SERGEF: variants seen among roughly 807,000 people sequenced by gnomAD.
The protein encoded by SERGEF is secretion-regulating guanine nucleotide exchange factor.
SERGEF carries 51 observed loss-of-function variants against 50.0 expected under a neutral mutation model. That is an observed-to-expected ratio of 1.02 (90% CI 0.81 to 1.29). The LOEUF is 1.29. Among genes scored for constraint, SERGEF ranks in the 50% most tolerant of loss-of-function variants. The probability of loss-of-function intolerance (pLI) is 0.00; values close to 1 mark genes in which losing one functional copy is unlikely to be tolerated. For synonymous variants in SERGEF, 205 were observed against 212.4 expected (o/e 0.97, Z 0.30); for missense variants, 521 against 557.0 (o/e 0.94, Z 0.65).
chr11:17,866,174 G>A (rs1384432657), intron 10 of SERGEF, among the ~76,000 whole-genome samples: 1 of 152,218 alleles, frequency 6.6e-6, no homozygotes, highest in Non-Finnish European at 1.5e-5. Context: ...ATCTCCTTCT[G>A]AATAGCACAA....
At chr11:17,883,935 T>G (rs1269599257) in intron 9 of SERGEF, among the ~76,000 whole-genome samples, 1 of 152,018 alleles carries the variant, frequency 6.6e-6, no homozygotes, top group East Asian at 1.9e-4. Context: ...CTGAACATTC[T>G]AAACGGGGAA....
chr11:17,914,793 T>C (rs146151022), intron 9 of SERGEF, among the ~76,000 whole-genome samples: 24 of 152,326 alleles, frequency 1.6e-4, no homozygotes, highest in African/African-American at 5.5e-4. Context: ...AAGTATTTTA[T>C]TGAGGGTTAT....
At chr11:17,998,726 G>T (rs914676073) in intron 5 of SERGEF, among the ~76,000 whole-genome samples, 1 of 150,766 alleles carries the variant, frequency 6.6e-6, no homozygotes, top group African/African-American at 2.4e-5. Context: ...TAGGACTGGT[G>T]TCCTTATAAA....
chr11:17,860,032 C>G (rs1850899025), intron 10 of SERGEF, among the ~76,000 whole-genome samples: 1 of 152,106 alleles, frequency 6.6e-6, no homozygotes, highest in Admixed American at 6.5e-5. Context: ...ATCACGTAAC[C>G]ACGGTGCAGG....
At chr11:17,857,239 A>G (rs912772755) in intron 10 of SERGEF, among the ~76,000 whole-genome samples, 2 of 152,216 alleles carry the variant, frequency 1.3e-5, no homozygotes, top group Non-Finnish European at 2.9e-5. Flanking sequence ...GACATAGCCC[A>G]TAACTTGCTG....
chr11:17,900,082 G>C (rs919520152), intron 9 of SERGEF, among the ~76,000 whole-genome samples: 3 of 152,210 alleles, frequency 2.0e-5, no homozygotes, highest in South Asian at 2.1e-4. Flanking sequence ...TAGTGGGCTA[G>C]AGTTTGCTTT....
Position 17,888,262 on chromosome 11 carries a change from A to T in SERGEF, c.1012-10018T>A, listed in dbSNP as rs1281972189. Among the ~76,000 whole-genome samples, 2 of 152,226 alleles carry T rather than the reference A, an allele frequency of 1.3e-5. No individual in the cohort carries two copies. The highest frequency in any genetic ancestry group is 2.9e-5 in the Non-Finnish European group (2 of 68,040). On this transcript the variant is annotated intron_variant, in intron 9 of 10. Transcript: ENST00000265965. This position sits in a 1 kb window ranked among gnomAD's most constrained non-coding sequence, Gnocchi z 4.1. ...TTCACAACATAAGTAAATCTTTAAG[A>T]ATAATAATATGAAACTCAAAAGTAG...
intron 9 of SERGEF, among the ~76,000 whole-genome samples, chr11:17,925,037 A>G (rs1412108762): frequency 1.3e-5 from 2 of 152,208 alleles, no homozygotes. Flanking sequence ...TTCCACCGAC[A>G]AAATCTTTCA....
At chr11:17,940,402 C>CCCA (rs1480615596) in intron 9 of SERGEF, among the ~76,000 whole-genome samples, 1 of 152,076 alleles carries the variant, frequency 6.6e-6, no homozygotes, top group Admixed American at 6.6e-5. Flanking sequence ...GACCGCATCC[C>CCCA]CCACCACCGC....
chr11:17,981,610 T>A (rs539989268), intron 8 of SERGEF, among the ~76,000 whole-genome samples: 38 of 152,326 alleles, frequency 2.5e-4, no homozygotes, highest in African/African-American at 6.7e-4. Flanking sequence ...TACTTTATAG[T>A]AATAAAGGTG....
chr11:17,842,504 T>G (rs1332294772), intron 10 of SERGEF, among the ~76,000 whole-genome samples: 1 of 152,218 alleles, frequency 6.6e-6, no homozygotes, highest in East Asian at 1.9e-4. Flanking sequence ...ATTCAGTTAA[T>G]CCTTTCAGTA....
At chr11:17,905,984 A>G (rs879041329) in intron 9 of SERGEF, among the ~76,000 whole-genome samples, 105 of 152,292 alleles carry the variant, frequency 6.9e-4, no homozygotes, top group African/African-American at 2.4e-3. Context: ...GGCCACTAGC[A>G]TCTTCCCTTC....
chr11:18,003,278 C>A (rs1854002013), intron 4 of SERGEF, among the ~76,000 whole-genome samples: 1 of 152,148 alleles, frequency 6.6e-6, no homozygotes, highest in South Asian at 2.1e-4. Flanking sequence ...TTTAAAAATT[C>A]TATATTCCTA....
intron 8 of SERGEF, among the ~76,000 whole-genome samples, chr11:17,974,607 G>A (rs1437359208): frequency 1.3e-5 from 2 of 152,214 alleles, no homozygotes; most frequent in African/African-American, 4.8e-5. Context: ...ATGTGGGGCA[G>A]TGGAGGGGTC....
intron 10 of SERGEF, among the ~76,000 whole-genome samples, chr11:17,830,685 A>AGAGC (rs1554999498): frequency 0.026 from 3,128 of 118,732 alleles, 207 homozygotes; most frequent in Admixed American, 0.057. Flanking sequence ...AGAGAGAGAG[A>AGAGC]GAGCACATGT....
chr11:17,919,317 G>A lies in SERGEF; in HGVS notation c.1011+40153C>T, dbSNP rs552536535. 3.3e-5 allele frequency among the ~76,000 whole-genome samples: 5 copies of A among 152,188 alleles called. No individual in the cohort carries two copies. The South Asian group carries it at 8.3e-4, about 25-fold the overall frequency. ...TGGCCTGAAAAGGAAAGGGTAAGGGGAGGGATGGAGATGGAGAGACCGGAA... is the reference window on the plus strand; with the variant it reads ...TGGCCTGAAAAGGAAAGGGTAAGGGAAGGGATGGAGATGGAGAGACCGGAA... On this transcript the variant is annotated intron_variant, in intron 9 of 10. Coordinates refer to ENST00000265965, the MANE Select transcript of SERGEF (RefSeq NM_012139.4).
intron 9 of SERGEF, among the ~76,000 whole-genome samples, chr11:17,886,473 G>A (rs931352023): frequency 7.9e-5 from 12 of 152,014 alleles, no homozygotes; most frequent in East Asian, 1.9e-4. Context: ...TTAGCCCGGC[G>A]TGGTGAAGTG....
chr11:17,917,113 A>G (rs1485780324), intron 9 of SERGEF, among the ~76,000 whole-genome samples: 1 of 152,266 alleles, frequency 6.6e-6, no homozygotes, highest in Non-Finnish European at 1.5e-5. Context: ...AGATACTTGC[A>G]CATGCATGTT....
At chr11:18,012,462 G>C in intron 1 of SERGEF, 1 of 1,066,276 alleles carries the variant, frequency 9.4e-7, no homozygotes, top group Non-Finnish European at 1.1e-6. Context: ...AAATAGGCAG[G>C]GTCTGTGCCT....
Sources: gnomAD v4.1 joint callset for allele counts (sites outside exome capture counted in the v4.1 genomes callset) on GRCh38, gnomAD v4.1.1 for gene constraint, Gnocchi (gnomAD v3.1) non-coding constraint, MANE v1.5 for transcripts, NCBI Gene and HGNC (gene_info 2026-07-23, HGNC 2026-07-21) for gene names.